Variants in TAFA2 observed in about 807,000 individuals in gnomAD.
TAFA2 encodes TAFA chemokine like family member 2, also known as chemokine-like protein TAFA-2.
TAFA2 carries 7 observed loss-of-function variants against 18.8 expected under a neutral mutation model. The observed-to-expected ratio is 0.37, with a 90% CI of 0.21 to 0.70. The LOEUF (loss-of-function observed/expected upper bound fraction) is 0.70. Ranked by LOEUF, TAFA2 falls within the 30% of genes least tolerant of loss-of-function variation. TAFA2 has a pLI of 0.53. For missense variants in TAFA2, 122 were observed against 158.1 expected, an observed-to-expected ratio of 0.77 and a Z score of 1.23; for synonymous variants, 60 against 54.2, an observed-to-expected ratio of 1.11 and a Z score of -0.47.
chr12:61,815,668 A>C (rs1229244609), intron 2 of TAFA2, among the ~76,000 whole-genome samples: 1 of 151,242 alleles, frequency 6.6e-6, no homozygotes, highest in Non-Finnish European at 1.5e-5. Flanking sequence ...GTCTAAAAAA[A>C]AAAAAAAAGT....
intron 2 of TAFA2, among the ~76,000 whole-genome samples, chr12:61,864,178 C>T (rs1282881775): frequency 1.3e-5 from 2 of 152,080 alleles, no homozygotes; most frequent in East Asian, 1.9e-4. Context: ...TAATGACAGG[C>T]CTTTAAAATT....
Position 62,192,456 on chromosome 12 carries a change from A to T in TAFA2, c.-1199T>A, listed in dbSNP as rs930054995. 2 of 152,328 alleles carry T rather than the reference A, an allele frequency of 1.3e-5. No homozygotes were observed. The highest frequency in any genetic ancestry group is 4.8e-5 in the African/African-American group (2 of 41,452). 9.4% of individuals were successfully genotyped at this position (152,328 alleles called of 1,614,324 possible). ...AATCCAGATCACCGGCGGAGAAAGA[A>T]GCCGTTTAGCAAGCAAAGCCTCCTC... On this transcript the variant is annotated 5_prime_UTR_variant, in exon 1 of 5. Coordinates refer to ENST00000416284, the MANE Select transcript of TAFA2 (RefSeq NM_178539.5).
chr12:62,082,866 A>G (rs1484171143), intron 1 of TAFA2, among the ~76,000 whole-genome samples: 1 of 152,188 alleles, frequency 6.6e-6, no homozygotes, highest in East Asian at 1.9e-4. Flanking sequence ...AAAAAAGGAA[A>G]CTTAACACTT....
chr12:62,141,051 G>A (rs758166679), intron 1 of TAFA2, among the ~76,000 whole-genome samples: 1 of 152,160 alleles, frequency 6.6e-6, no homozygotes, highest in Non-Finnish European at 1.5e-5. Flanking sequence ...TCTGTTCTAA[G>A]GCAGATTTCT....
At position 62,024,646 on chromosome 12, in the gene TAFA2, A is replaced by G. The variant is rs537423118; in HGVS notation, c.-1-157220T>C. Reference sequence around the variant, plus strand: ...TTAAGCTAAAGAGCTTCTGCACAGTATAAGAAACCATCAACAGAGTAAACA... The same window carrying G: ...TTAAGCTAAAGAGCTTCTGCACAGTGTAAGAAACCATCAACAGAGTAAACA... On this transcript the variant is annotated intron_variant, in intron 1 of 4. Coordinates refer to ENST00000416284, the MANE Select transcript of TAFA2 (RefSeq NM_178539.5). Among the ~76,000 whole-genome samples, 9 of 152,298 alleles carry G rather than the reference A, an allele frequency of 5.9e-5. No individual in the cohort carries two copies. In the South Asian group the frequency reaches 1.7e-3, roughly 28 times the overall value.
intron 1 of TAFA2, among the ~76,000 whole-genome samples, chr12:61,969,488 C>T (rs889361734): frequency 6.6e-5 from 10 of 151,554 alleles, no homozygotes; most frequent in African/African-American, 2.4e-4. Context: ...AATAAAAATA[C>T]AGGACTTCGT....
intron 2 of TAFA2, among the ~76,000 whole-genome samples, chr12:61,762,612 T>A (rs1869602018): frequency 6.7e-6 from 1 of 148,456 alleles, no homozygotes; most frequent in South Asian, 2.1e-4. Flanking sequence ...CTACATTCTA[T>A]AGAAGTTCTA....
intron 1 of TAFA2, among the ~76,000 whole-genome samples, chr12:61,971,671 C>T (rs962154770): frequency 6.6e-6 from 1 of 151,250 alleles, no homozygotes; most frequent in Non-Finnish European, 1.5e-5. Flanking sequence ...GGGAGTTGAA[C>T]AATGAGAACA....
chr12:61,983,801 G>A (rs1298663543), intron 1 of TAFA2, among the ~76,000 whole-genome samples: 1 of 152,092 alleles, frequency 6.6e-6, no homozygotes, highest in Non-Finnish European at 1.5e-5. Flanking sequence ...TAAAGCTAAT[G>A]GTCTCAAGTC....
intron 1 of TAFA2, among the ~76,000 whole-genome samples, chr12:62,246,304 T>C (rs889421777): frequency 4.6e-5 from 7 of 152,186 alleles, no homozygotes; most frequent in Non-Finnish European, 1.0e-4. Flanking sequence ...TTGTTATTCC[T>C]TTCTATATGC....
chr12:62,061,477 A>T (rs1483545728), intron 1 of TAFA2, among the ~76,000 whole-genome samples: 1 of 152,262 alleles, frequency 6.6e-6, no homozygotes, highest in Non-Finnish European at 1.5e-5. Context: ...CTGTGATGTC[A>T]CATGACAAAA....
intron 1 of TAFA2, among the ~76,000 whole-genome samples, chr12:61,911,877 C>T (rs1432362389): frequency 6.6e-6 from 1 of 152,120 alleles, no homozygotes. Context: ...AAAACAGAAA[C>T]ACAAGAAAAG....
At chr12:61,897,217 C>G (rs956664880) in intron 1 of TAFA2, among the ~76,000 whole-genome samples, 7 of 152,120 alleles carry the variant, frequency 4.6e-5, no homozygotes, top group African/African-American at 1.7e-4. Context: ...ATCCTTGAGA[C>G]AAAATGATGC....
At chr12:61,826,198 A>C (rs1482533754) in intron 2 of TAFA2, among the ~76,000 whole-genome samples, 1 of 151,960 alleles carries the variant, frequency 6.6e-6, no homozygotes, top group African/African-American at 2.4e-5. Context: ...GTTTTAGAAA[A>C]TTTTCTTGTT....
chr12:61,726,002 G>A (rs368918787), intron 4 of TAFA2, among the ~76,000 whole-genome samples: 1 of 146,830 alleles, frequency 6.8e-6, no homozygotes, highest in Admixed American at 7.1e-5. Context: ...ACAAAAATCT[G>A]AGAAGAGTTT....
intron 1 of TAFA2, among the ~76,000 whole-genome samples, chr12:62,223,631 T>C (rs1311506214): frequency 5.3e-5 from 8 of 152,070 alleles, no homozygotes; most frequent in African/African-American, 1.7e-4. Context: ...ACTACAAAAT[T>C]TGTGATTAAG....
At chr12:61,954,195 G>C (rs1878569320) in intron 1 of TAFA2, among the ~76,000 whole-genome samples, 1 of 151,956 alleles carries the variant, frequency 6.6e-6, no homozygotes, top group African/African-American at 2.4e-5. Context: ...ACATCATTTA[G>C]CTCCCACTTA....
intron 4 of TAFA2, among the ~76,000 whole-genome samples, chr12:61,734,116 T>C (rs1592353029): frequency 6.6e-6 from 1 of 150,936 alleles, no homozygotes; most frequent in African/African-American, 2.4e-5. Flanking sequence ...TTTTTGTACA[T>C]TGATTTTGTA....
At chr12:61,762,804 T>C (rs1325094444) in intron 2 of TAFA2, among the ~76,000 whole-genome samples, 2 of 152,004 alleles carry the variant, frequency 1.3e-5, no homozygotes, top group Non-Finnish European at 2.9e-5. Flanking sequence ...ATTTGCATTC[T>C]GATTTGTCTC....
Sources: allele counts gnomAD v4.1 joint callset (sites outside exome capture counted in the v4.1 genomes callset), GRCh38; gene constraint gnomAD v4.1.1; transcripts MANE v1.5; gene names NCBI Gene and HGNC (gene_info 2026-07-23, HGNC 2026-07-21).